CACNA2D3: variants seen among roughly 807,000 people sequenced by gnomAD.
CACNA2D3 encodes calcium voltage-gated channel auxiliary subunit alpha2delta 3.
A neutral mutation model predicts 160.6 loss-of-function variants in CACNA2D3; 60 were observed. The ratio of observed to expected loss-of-function variants is 0.37; its 90% CI spans 0.30 to 0.46. The LOEUF (loss-of-function observed/expected upper bound fraction) is 0.46. CACNA2D3 is among the 20% of genes least tolerant of loss of function. The pLI, the probability that CACNA2D3 is intolerant of heterozygous loss-of-function variation, is 1.00. For missense variants in CACNA2D3, 1,205 were observed against 1,365.0 expected (o/e 0.88, Z 1.85); for synonymous variants, 558 against 492.9 (o/e 1.13, Z -1.75).
intron 9 of CACNA2D3, among the ~76,000 whole-genome samples, chr3:54,598,721 A>C (rs1391487845): frequency 6.6e-6 from 1 of 152,220 alleles, no homozygotes; most frequent in Middle Eastern, 3.2e-3. Context: ...TGTCCTGTTC[A>C]TGATTTCACA....
intron 11 of CACNA2D3, among the ~76,000 whole-genome samples, chr3:54,648,988 A>C (rs1436244242): frequency 6.6e-6 from 1 of 152,226 alleles, no homozygotes. Flanking sequence ...CACGTCCAAC[A>C]TTGGTGGTCA....
At chr3:55,004,895 C>T in intron 32 of CACNA2D3, 57 bp downstream of exon 32, 1 of 1,215,148 alleles carries the variant, frequency 8.2e-7, no homozygotes, top group Non-Finnish European at 1.2e-6. Context: ...TTCTCCCTGT[C>T]TGAGTGTTAT....
chr3:54,544,521 A>G (rs1280016587), intron 5 of CACNA2D3, among the ~76,000 whole-genome samples: 1 of 151,964 alleles, frequency 6.6e-6, no homozygotes, highest in Non-Finnish European at 1.5e-5. Flanking sequence ...CTCCCGCTTT[A>G]ACCTCCCAAG....
chr3:54,831,893 T>C (rs1703886061), intron 14 of CACNA2D3, among the ~76,000 whole-genome samples: 1 of 152,062 alleles, frequency 6.6e-6, no homozygotes, highest in Non-Finnish European at 1.5e-5. Context: ...GGCAACCCCA[T>C]AATGGAAAAG....
At chr3:54,601,094 T>A (rs1703051414) in intron 9 of CACNA2D3, among the ~76,000 whole-genome samples, 1 of 152,196 alleles carries the variant, frequency 6.6e-6, no homozygotes, top group African/African-American at 2.4e-5. Context: ...TGGTCGACAT[T>A]TGACTGTGCA....
At chr3:54,445,948 A>T (rs1194676402) in intron 4 of CACNA2D3, among the ~76,000 whole-genome samples, 1 of 152,140 alleles carries the variant, frequency 6.6e-6, no homozygotes, top group Non-Finnish European at 1.5e-5. Flanking sequence ...GTCCTAAAAG[A>T]TGCCCTAGCA....
chr3:54,597,146 A>G (rs1047253823), intron 9 of CACNA2D3, among the ~76,000 whole-genome samples: 3 of 152,212 alleles, frequency 2.0e-5, no homozygotes, highest in African/African-American at 7.2e-5. Flanking sequence ...CACCTGAGAT[A>G]AAATCTAACC....
intron 3 of CACNA2D3, among the ~76,000 whole-genome samples, chr3:54,355,400 T>C (rs1403611589): frequency 9.9e-5 from 15 of 152,118 alleles, no homozygotes; most frequent in Admixed American, 3.3e-4. Flanking sequence ...TAAAGGCCAG[T>C]GAAGGGTCTC....
Position 54,479,134 on chromosome 3 carries a change from G to C in CACNA2D3, c.382-24358G>C, listed in dbSNP as rs188313125. Among the ~76,000 whole-genome samples, 28 of 152,094 alleles carry C rather than the reference G, an allele frequency of 1.8e-4. 1 individual carries two copies. The highest frequency in any genetic ancestry group is 6.8e-3 in the Middle Eastern group (2 of 294). On this transcript the variant is annotated intron_variant, in intron 4 of 37. Transcript: ENST00000474759. The stretch of plus-strand genomic sequence containing the variant: ...TTCTCTTGATAGTGAGTTTTCATGA[G>C]ATCTGATGGTTTTATAAGAAGCTTT...
intron 34 of CACNA2D3, among the ~76,000 whole-genome samples, chr3:55,012,866 A>G (rs1019786131): frequency 1.1e-4 from 16 of 152,138 alleles, no homozygotes; most frequent in Non-Finnish European, 1.8e-4. Context: ...CTGTGCACCC[A>G]TGACGTTGAG....
chr3:54,132,141 A>G (rs78675160), intron 2 of CACNA2D3, among the ~76,000 whole-genome samples: 10,052 of 152,290 alleles, frequency 0.066, 408 homozygotes, highest in African/African-American at 0.11. Flanking sequence ...AAACAGCTCA[A>G]TGGGCATAGG....
At chr3:54,752,070 T>A (rs1158256058) in intron 11 of CACNA2D3, among the ~76,000 whole-genome samples, 2 of 151,772 alleles carry the variant, frequency 1.3e-5, no homozygotes, top group Non-Finnish European at 2.9e-5. Context: ...TCTCCATAGA[T>A]CTCCTGGCCA....
intron 11 of CACNA2D3, among the ~76,000 whole-genome samples, chr3:54,681,611 A>G (rs1441933087): frequency 2.6e-5 from 4 of 151,856 alleles, no homozygotes; most frequent in African/African-American, 4.8e-5. Flanking sequence ...ACATGATGAC[A>G]TATAGGGGAA....
intron 5 of CACNA2D3, among the ~76,000 whole-genome samples, chr3:54,533,819 GTGTGTGTGTT>G (rs1459395098): frequency 6.7e-6 from 1 of 148,994 alleles, no homozygotes; most frequent in African/African-American, 2.5e-5. Context: ...GTGTGTGTGT[GTGTGTGTGTT>G]AATAGGGTGT....
At chr3:55,068,517 A>G (rs1173983751) in intron 35 of CACNA2D3, among the ~76,000 whole-genome samples, 2 of 152,202 alleles carry the variant, frequency 1.3e-5, no homozygotes, top group African/African-American at 4.8e-5. Context: ...AATACATCTT[A>G]TAAGTTTTAT....
intron 11 of CACNA2D3, among the ~76,000 whole-genome samples, chr3:54,691,121 G>A (rs556332384): frequency 6.6e-6 from 1 of 152,280 alleles, no homozygotes; most frequent in Non-Finnish European, 1.5e-5. Context: ...GTTCTTAGGA[G>A]AAGAGGCCTG....
chr3:54,752,312 C>T (rs1266850834), intron 11 of CACNA2D3, among the ~76,000 whole-genome samples: 1 of 152,172 alleles, frequency 6.6e-6, no homozygotes, highest in African/African-American at 2.4e-5. Flanking sequence ...GTGGAGCAAG[C>T]CCAGGCCTGT....
chr3:54,532,477 C>A (rs9816842), intron 5 of CACNA2D3, among the ~76,000 whole-genome samples: 91,846 of 152,062 alleles, frequency 0.6, 27,989 homozygotes, highest in Non-Finnish European at 0.64. Flanking sequence ...CAATGTTTAC[C>A]ATATCTATTA....
chr3:54,877,744 G>A (rs1231068012), intron 18 of CACNA2D3, among the ~76,000 whole-genome samples: 1 of 152,180 alleles, frequency 6.6e-6, no homozygotes, highest in East Asian at 1.9e-4. Flanking sequence ...GGAGTTGGGG[G>A]TGGGGTGGCA....
Sources: allele counts gnomAD v4.1 joint callset (sites outside exome capture counted in the v4.1 genomes callset), GRCh38; gene constraint gnomAD v4.1.1; transcripts MANE v1.5; gene names NCBI Gene and HGNC (gene_info 2026-07-23, HGNC 2026-07-21).